MAP2K6: variants seen among roughly 807,000 people sequenced by gnomAD.
MAP2K6 encodes the protein mitogen-activated protein kinase kinase 6, also known as dual specificity mitogen-activated protein kinase kinase 6.
In MAP2K6, 16 loss-of-function variants were observed where a neutral mutation model predicts 53.7. The ratio of observed to expected loss-of-function variants is 0.30; its 90% CI spans 0.20 to 0.45. The LOEUF is 0.45. MAP2K6 is among the 20% of genes least tolerant of loss of function. The pLI is 1.00. For missense variants in MAP2K6, 204 were observed against 411.9 expected (o/e 0.50, Z 4.37); for synonymous variants, 132 against 143.1 (o/e 0.92, Z 0.55).
At chr17:69,441,798 C>T (rs1906826285) in intron 1 of MAP2K6, among the ~76,000 whole-genome samples, 2 of 152,174 alleles carry the variant, frequency 1.3e-5, no homozygotes, top group Non-Finnish European at 2.9e-5. Flanking sequence ...TGCCTCCTTA[C>T]TGCCAGGTGG....
intron 1 of MAP2K6, among the ~76,000 whole-genome samples, chr17:69,481,505 G>A (rs1365333487): frequency 6.6e-6 from 1 of 152,140 alleles, no homozygotes; most frequent in Non-Finnish European, 1.5e-5. Context: ...GTGTTAGTTT[G>A]CTAGGGCTGT....
At chr17:69,491,848 C>T (rs1479779641) in intron 1 of MAP2K6, among the ~76,000 whole-genome samples, 1 of 150,726 alleles carries the variant, frequency 6.6e-6, no homozygotes, top group Non-Finnish European at 1.5e-5. Context: ...GTTATTTCAC[C>T]GTGGTTTTGA....
chr17:69,416,693 G>A (rs1015612023), intron 1 of MAP2K6, among the ~76,000 whole-genome samples: 1 of 152,112 alleles, frequency 6.6e-6, no homozygotes, highest in African/African-American at 2.4e-5. Context: ...TCGGGTTGGT[G>A]AAAACAAGAA....
chr17:69,453,386 T>C (rs1907294558), intron 1 of MAP2K6, among the ~76,000 whole-genome samples: 1 of 152,184 alleles, frequency 6.6e-6, no homozygotes, highest in African/African-American at 2.4e-5. Context: ...AAAGAGGTGG[T>C]GGGCCAGATT....
At chr17:69,468,005 A>C (rs1907870421) in intron 1 of MAP2K6, among the ~76,000 whole-genome samples, 1 of 152,202 alleles carries the variant, frequency 6.6e-6, no homozygotes, top group Admixed American at 6.5e-5. Flanking sequence ...ACCTCAAGTG[A>C]TCCACCTGCC....
chr17:69,512,328 G>GT lies in MAP2K6; in HGVS notation c.84-4517dup, dbSNP rs796414361. On this transcript the variant is annotated intron_variant, in intron 2 of 11. Coordinates refer to ENST00000590474, the MANE Select transcript of MAP2K6 (RefSeq NM_002758.4). ...TTCTAATCTCATTGTCTTTCTAAGTGTTTTTTTTTTGTTTTTTTTTTTTTT... is the reference window on the plus strand; with the variant it reads ...TTCTAATCTCATTGTCTTTCTAAGTGTTTTTTTTTTTGTTTTTTTTTTTTTT... Among the ~76,000 whole-genome samples the GT allele has an allele frequency of 1.8e-3, 133 of 75,158 alleles. 12 individuals are homozygous for GT. The highest frequency in any genetic ancestry group is 3.6e-3 in the African/African-American group (73 of 20,480). The allele number at this position is 75,158 out of a possible 152,430, so 49.3% of individuals were successfully genotyped here.
rs1911899688 is a variant in MAP2K6, at chr17:69,546,921, T to A, written c.*5168T>A. The A allele has an allele frequency of 1.3e-5, 2 of 151,894 alleles. No individual in the cohort carries two copies. The highest frequency in any genetic ancestry group is 1.3e-4 in the Admixed American group (2 of 15,242). 9.4% of individuals were successfully genotyped at this position (151,894 alleles called of 1,614,324 possible). ...GCCTCTGAAAATTTACATAGTCAGA[T>A]GGAAAAATGCCAGAGTAAAATCTAG... On this transcript the variant is annotated 3_prime_UTR_variant, in exon 12 of 12. Coordinates refer to ENST00000590474, the MANE Select transcript of MAP2K6 (RefSeq NM_002758.4).
chr17:69,477,871 T>TGGAAG (rs1567832264), intron 1 of MAP2K6, among the ~76,000 whole-genome samples: 1 of 151,890 alleles, frequency 6.6e-6, no homozygotes, highest in African/African-American at 2.4e-5. Context: ...GTCTTGTAGA[T>TGGAAG]GGAAGGGAAG....
chr17:69,507,806 G>A (rs1392666600), intron 2 of MAP2K6, among the ~76,000 whole-genome samples: 1 of 152,148 alleles, frequency 6.6e-6, no homozygotes, highest in Non-Finnish European at 1.5e-5. Flanking sequence ...GTTCCTGCAT[G>A]AGAATAGGTC....
chr17:69,520,224 C>A, intron 5 of MAP2K6, 46 bp from the exon 6 acceptor site: 1 of 942,268 alleles, frequency 1.1e-6, no homozygotes, highest in Non-Finnish European at 1.7e-6. Flanking sequence ...TTTTATTTCT[C>A]CCTTTTTCAT....
chr17:69,429,935 G>T (rs1598257649), intron 1 of MAP2K6, among the ~76,000 whole-genome samples: 1 of 152,200 alleles, frequency 6.6e-6, no homozygotes, highest in East Asian at 1.9e-4. Context: ...AGGGATAGTC[G>T]TGGGACAGGT....
intron 1 of MAP2K6, among the ~76,000 whole-genome samples, chr17:69,499,519 T>C (rs1909072977): frequency 6.6e-6 from 1 of 152,258 alleles, no homozygotes; most frequent in Non-Finnish European, 1.5e-5. Flanking sequence ...ATGATTCTTA[T>C]TGATGCAGAG....
chr17:69,428,478 C>A (rs1850199376), intron 1 of MAP2K6, among the ~76,000 whole-genome samples: 1 of 152,190 alleles, frequency 6.6e-6, no homozygotes, highest in African/African-American at 2.4e-5. Context: ...TAGGGCCCGC[C>A]CTACTCCAGT....
intron 10 of MAP2K6, among the ~76,000 whole-genome samples, chr17:69,531,988 A>G (rs1030534325): frequency 6.6e-6 from 1 of 152,174 alleles, no homozygotes; most frequent in Admixed American, 6.5e-5. Context: ...AGGTTCACAG[A>G]AGGAAGTCAC....
At chr17:69,420,987 A>G (rs889186907) in intron 1 of MAP2K6, among the ~76,000 whole-genome samples, 12 of 152,182 alleles carry the variant, frequency 7.9e-5, no homozygotes, top group African/African-American at 2.9e-4. Context: ...AACCACTGTA[A>G]TGGTTGTTTG....
chr17:69,469,144 TC>T (rs1567829052), intron 1 of MAP2K6, among the ~76,000 whole-genome samples: 1 of 152,208 alleles, frequency 6.6e-6, no homozygotes, highest in East Asian at 1.9e-4. Context: ...TTGAGGACTG[TC>T]GCTAGGTTCT....
intron 7 of MAP2K6, 119 bp from the exon 8 acceptor site, chr17:69,523,395 T>C: frequency 7.7e-7 from 1 of 1,296,344 alleles, no homozygotes; most frequent in Non-Finnish European, 1.1e-6. Context: ...ACTTCTGTGT[T>C]GGGCAGCTTG....
chr17:69,537,825 G>A (rs1230958196), intron 11 of MAP2K6, among the ~76,000 whole-genome samples: 1 of 152,134 alleles, frequency 6.6e-6, no homozygotes, highest in Non-Finnish European at 1.5e-5. Context: ...GAAAATCCTA[G>A]CATAGTACAT....
rs987867497 is a variant in MAP2K6, at chr17:69,494,111, C to T, written c.17-11669C>T. Among the ~76,000 whole-genome samples the T allele has an allele frequency of 2.0e-5, 3 of 152,136 alleles. No individual in the cohort carries two copies. Among genetic ancestry groups the T allele is most frequent in the Admixed American group, 6.5e-5 (1 of 15,274 alleles). On this transcript the variant is annotated intron_variant, in intron 1 of 11. Coordinates refer to ENST00000590474, the MANE Select transcript of MAP2K6 (RefSeq NM_002758.4). The surrounding 1 kb of genome is among the most constrained non-coding windows in gnomAD (Gnocchi z 4.2). ...TAACAAGGGATAAGAGCAGCAGAAT[C>T]CAGTGGAAAAAACTACAGGACACAT...
Sources: gnomAD v4.1 joint callset for allele counts (sites outside exome capture counted in the v4.1 genomes callset) on GRCh38, gnomAD v4.1.1 for gene constraint, Gnocchi (gnomAD v3.1) non-coding constraint, MANE v1.5 for transcripts, NCBI Gene and HGNC (gene_info 2026-07-23, HGNC 2026-07-21) for gene names.